The following ATP5MC2 variants were observed in gnomAD, a reference collection of about 807,000 sequenced individuals.
ATP5MC2 encodes the protein ATP synthase F(0) complex subunit C2, mitochondrial.
Under a neutral mutation model 13.5 loss-of-function variants are expected in ATP5MC2, and 11 were observed. The observed-to-expected ratio is 0.81, with a 90% confidence interval of 0.51 to 1.35. The LOEUF is 1.35. Among genes scored for constraint, ATP5MC2 ranks in the 40% most tolerant of loss-of-function variants. The pLI, the probability that ATP5MC2 is intolerant of heterozygous loss-of-function variation, is 0.00. For synonymous variants in ATP5MC2, 64 were observed against 69.7 expected, an observed-to-expected ratio of 0.92 and a Z score of 0.41; for missense variants, 132 against 175.0, an observed-to-expected ratio of 0.75 and a Z score of 1.39.
intron 4 of ATP5MC2, among the ~76,000 whole-genome samples, chr12:53,667,223 T>G (rs1944940357): frequency 6.6e-6 from 1 of 152,224 alleles, no homozygotes; most frequent in Admixed American, 6.5e-5. Context: ...AGGATTAATT[T>G]GGTTTTAACT....
In ATP5MC2 at chr12:53,669,962, C is replaced by T; in HGVS notation, c.40-14G>A. 1 of 1,613,544 alleles carries T rather than the reference C, an allele frequency of 6.2e-7. No individual in the cohort carries two copies. ...GGTGCTCTTGACCTAGCAGGAATGA[C>T]ATACAGGGGCAGGAAGGTCAAGGAA... On this transcript the variant is annotated splice_polypyrimidine_tract_variant and intron_variant, in intron 2 of 4. Coordinates refer to ENST00000394349, the MANE Select transcript of ATP5MC2 (RefSeq NM_005176.7).
chr12:53,666,899 T>C (rs1462633504), intron 4 of ATP5MC2, among the ~76,000 whole-genome samples: 1 of 149,864 alleles, frequency 6.7e-6, no homozygotes, highest in African/African-American at 2.5e-5. Context: ...TGGGCTGAGA[T>C]TGTGCCACTG....
chr12:53,672,010 C>T (rs140262951), intron 2 of ATP5MC2, among the ~76,000 whole-genome samples: 1,575 of 146,052 alleles, frequency 0.011, 24 homozygotes, highest in African/African-American at 0.034. Flanking sequence ...AGGTGAACTG[C>T]TTGAACCCGG....
intron 1 of ATP5MC2, among the ~76,000 whole-genome samples, chr12:53,674,583 A>G (rs1945209875): frequency 6.6e-6 from 1 of 152,226 alleles, no homozygotes; most frequent in Non-Finnish European, 1.5e-5. Flanking sequence ...TCATTAAATG[A>G]ACTGAACTCA....
chr12:53,672,083 CAAAA>C lies in ATP5MC2; in HGVS notation c.39+489_39+492del, dbSNP rs916010110. 3.4e-3 allele frequency among the ~76,000 whole-genome samples: 162 copies of C among 47,182 alleles called. 4 individuals are homozygous for C. In the East Asian group the frequency reaches 0.11, roughly 31 times the overall value. The allele number at this position is 47,182 out of a possible 152,430, so 31.0% of individuals were successfully genotyped here. ...GGGCAACAAGAGCGAAACTCTGTCT[CAAAA>C]AAAAAAAAAAAAAAAAAATTAACTG... On this transcript the variant is annotated intron_variant, in intron 2 of 4. Transcript: ENST00000394349.
rs371876915 is a variant in ATP5MC2, at chr12:53,669,255, G to A, written c.204C>T (p.Ile68=). 1.3e-4 allele frequency: 207 copies of A among 1,613,944 alleles called. No individual in the cohort carries two copies. The highest frequency in any genetic ancestry group is 1.7e-4 in the Non-Finnish European group (198 of 1,179,992). Residue 68 remains isoleucine, a synonymous_variant, in exon 4 of 5, where the codon ATC becomes ATT. Transcript: ENST00000394349. ...SFQTSAISRD[I]DTAAKFIGAG... is the part of the protein sequence containing the mutation. ...CTCCAATGAACTTGGCTGCTGTGTC[G>A]ATGTCCCTTGAAATGGCGCTGGTTT... is the stretch of plus-strand genomic sequence containing the variant.
upstream of ATP5MC2, among the ~76,000 whole-genome samples, chr12:53,678,648 G>C (rs771208063): frequency 6.6e-6 from 1 of 152,188 alleles, no homozygotes; most frequent in Non-Finnish European, 1.5e-5. Flanking sequence ...GAGCAGTGAG[G>C]CTCCAAAAAG....
chr12:53,666,942 T>C (rs1340356212), intron 4 of ATP5MC2, among the ~76,000 whole-genome samples: 2 of 52,228 alleles, frequency 3.8e-5, no homozygotes, highest in Non-Finnish European at 6.4e-5. Context: ...AGACTCAGTC[T>C]CAAAAAAAAA....
upstream of ATP5MC2, chr12:53,676,228 G>C (rs773440218): frequency 6.3e-7 from 1 of 1,598,886 alleles, no homozygotes. Flanking sequence ...GCGGTATCCG[G>C]CCGGTTGCTC....
At chr12:53,668,041 T>TGCAGTG (rs1944986108) in intron 4 of ATP5MC2, among the ~76,000 whole-genome samples, 1 of 146,356 alleles carries the variant, frequency 6.8e-6, no homozygotes, top group South Asian at 2.3e-4. Context: ...CAGACTGGAA[T>TGCAGTG]GCAGTGGCAC....
chr12:53,667,956 C>CATACACAT (rs1944971986), intron 4 of ATP5MC2, among the ~76,000 whole-genome samples: 3 of 67,364 alleles, frequency 4.5e-5, no homozygotes, highest in Admixed American at 1.7e-4. Flanking sequence ...CATACACACA[C>CATACACAT]ATATATATAT....
chr12:53,676,226 C>T (rs772181871), upstream of ATP5MC2: 6 of 1,598,934 alleles, frequency 3.8e-6, no homozygotes, highest in South Asian at 2.2e-5. Flanking sequence ...TGGCGGTATC[C>T]GGCCGGTTGC....
intron 4 of ATP5MC2, 102 bp downstream of exon 4, chr12:53,669,046 C>T (rs1381655784): frequency 1.5e-6 from 2 of 1,364,370 alleles, no homozygotes; most frequent in Non-Finnish European, 1.9e-6. Flanking sequence ...CAACATGTAG[C>T]TAGTGGCTAC....
rs1944890677 is a variant in ATP5MC2 at position 53,665,540 on chromosome 12, A to G, written c.312-112T>C. Reference sequence around the variant, plus strand: ...CCTCTTCAAGATTATCTCACATAATAAAGAAGCTTTTAGGGTAACACCATC... The same window carrying G: ...CCTCTTCAAGATTATCTCACATAATGAAGAAGCTTTTAGGGTAACACCATC... On this transcript the variant is annotated intron_variant, in intron 4 of 4. Coordinates refer to ENST00000394349, the MANE Select transcript of ATP5MC2 (RefSeq NM_005176.7). 4 of 925,442 alleles carry G rather than the reference A, an allele frequency of 4.3e-6. No homozygotes were observed. The Admixed American group carries it at 6.6e-5, about 15-fold the overall frequency. The allele number at this position is 925,442 out of a possible 1,614,324, so 57.3% of individuals were successfully genotyped here.
chr12:53,676,242 C>G (rs765154345), upstream of ATP5MC2: 2 of 1,592,432 alleles, frequency 1.3e-6, no homozygotes, highest in Admixed American at 1.7e-5. Flanking sequence ...GTTGCTCCAC[C>G]TGGCGTTCGA....
intron 4 of ATP5MC2, among the ~76,000 whole-genome samples, chr12:53,667,271 T>G (rs895990364): frequency 6.6e-6 from 1 of 152,178 alleles, no homozygotes; most frequent in Admixed American, 6.5e-5. Context: ...CAGTCCCAGG[T>G]GTCAGAAACC....
At position 53,672,598 on chromosome 12, in the gene ATP5MC2, T is replaced by C. The variant is rs1945133949; in HGVS notation, c.17A>G (p.Lys6Arg). MFACS[K>R]FVSTPSLVKS... Reference sequence around the variant, plus strand: ...CACCAAGGAGGGAGTGGAGACAAACTTGGAGCAGGCGAACATTTTCAGGGG... The same window carrying C: ...CACCAAGGAGGGAGTGGAGACAAACCTGGAGCAGGCGAACATTTTCAGGGG... Residue 6 changes from lysine to arginine, a missense_variant, in exon 2 of 5, where the codon AAG (lysine) becomes AGG (arginine). Transcript: ENST00000394349. 1.3e-6 allele frequency: 2 copies of C among 1,584,144 alleles called. No homozygotes were observed. The highest frequency in any genetic ancestry group is 1.2e-5 in the South Asian group (1 of 86,390).
chr12:53,680,258 T>TTACAGG (rs1455836838), upstream of ATP5MC2, among the ~76,000 whole-genome samples: 3 of 152,142 alleles, frequency 2.0e-5, no homozygotes. Context: ...AGTGTTGGGA[T>TTACAGG]TACAGGTGTG....
chr12:53,676,273 G>A, upstream of ATP5MC2: 1 of 1,531,298 alleles, frequency 6.5e-7, no homozygotes, highest in Non-Finnish European at 8.8e-7. Flanking sequence ...TACAGGGAGC[G>A]CCGACTGCAG....
Sources: gnomAD v4.1 joint callset for allele counts (sites outside exome capture counted in the v4.1 genomes callset) on GRCh38, gnomAD v4.1.1 for gene constraint, MANE v1.5 for transcripts, NCBI Gene and HGNC (gene_info 2026-07-23, HGNC 2026-07-21) for gene names.